KLKB1: variants seen among roughly 807,000 people sequenced by gnomAD.
KLKB1 encodes plasma kallikrein.
A neutral mutation model predicts 73.6 loss-of-function variants in KLKB1; 58 were observed. That is an observed-to-expected ratio of 0.79 (90% CI 0.64 to 0.98). The LOEUF (loss-of-function observed/expected upper bound fraction) is 0.98. KLKB1 is among the 50% of genes least tolerant of loss of function. The probability of loss-of-function intolerance (pLI) is 0.00; values close to 1 mark genes in which losing one functional copy is unlikely to be tolerated. For missense variants in KLKB1, 737 were observed against 763.8 expected (o/e 0.96, Z 0.41); for synonymous variants, 280 against 258.1 (o/e 1.08, Z -0.81).
Position 186,254,742 on chromosome 4 carries a change from C to T in KLKB1, c.1468C>T (p.Gln490Ter), listed in dbSNP as rs1282310873. The T allele has an allele frequency of 1.9e-6, 3 of 1,613,386 alleles. No individual in the cohort carries two copies. Among genetic ancestry groups the T allele is most frequent in the East Asian group, 4.5e-5 (2 of 44,884 alleles). ...GNHDIALIKL[Q>*]APLNYTEFQK... ...TCATGATATCGCCTTGATAAAACTC[C>T]AGGCTCCTTTGAATTACACTGGTAT... Residue 490 changes from glutamine to a stop codon, truncating the protein, a stop_gained, in exon 12 of 15, where the codon CAG (glutamine) becomes TAG (stop). Transcript: ENST00000264690. LOFTEE classifies it high-confidence loss of function.
intron 2 of KLKB1, among the ~76,000 whole-genome samples, chr4:186,213,862 A>T (rs986185315): frequency 3.9e-5 from 6 of 152,214 alleles, no homozygotes; most frequent in Non-Finnish European, 7.3e-5. Context: ...ACATTTAAAA[A>T]TTTTTAGTCT....
At chr4:186,246,697 A>G (rs1435458327) in intron 6 of KLKB1, among the ~76,000 whole-genome samples, 1 of 152,034 alleles carries the variant, frequency 6.6e-6, no homozygotes, top group Non-Finnish European at 1.5e-5. Flanking sequence ...GCCCAGAGAA[A>G]AGAGAGGGTA....
In KLKB1 at chr4:186,238,315, G is replaced by T. The variant is rs755413493; in HGVS notation, c.548G>T (p.Ser183Ile). ...ACACCTACCGCTATAAAGGTGCTGA[G>T]TAACGTGGAATCTGGATTCTCACTG... ...GGTPTAIKVL[S>I]NVESGFSLKP... Residue 183 changes from serine to isoleucine, a missense_variant, in exon 6 of 15, where the codon AGT becomes ATT. Ser to Ile is a moderately radical substitution (Grantham distance 142). Coordinates refer to ENST00000264690, the MANE Select transcript of KLKB1 (RefSeq NM_000892.5). The T allele has an allele frequency of 1.2e-6, 2 of 1,614,078 alleles. No homozygotes were observed. The highest frequency in any genetic ancestry group is 2.2e-5 in the South Asian group (2 of 91,090).
At chr4:186,250,127 T>A in intron 6 of KLKB1, 116 bp from the exon 7 acceptor site, 1 of 1,046,040 alleles carries the variant, frequency 9.6e-7, no homozygotes, top group Non-Finnish European at 1.5e-6. Context: ...TCACTTAGGA[T>A]GTTTAGTACT....
At chr4:186,214,423 C>G (rs1736830043) in intron 2 of KLKB1, among the ~76,000 whole-genome samples, 1 of 152,136 alleles carries the variant, frequency 6.6e-6, no homozygotes, top group Non-Finnish European at 1.5e-5. Flanking sequence ...GGAAGGGCCC[C>G]CATTCTCTGG....
At chr4:186,242,914 A>G (rs4253278) in intron 6 of KLKB1, among the ~76,000 whole-genome samples, 15,379 of 97,626 alleles carry the variant, frequency 0.16, 1,882 homozygotes, top group Middle Eastern at 0.19. Flanking sequence ...GATTTGACTA[A>G]TAAAGGCCGG....
At chr4:186,247,674 G>A (rs1190653498) in intron 6 of KLKB1, among the ~76,000 whole-genome samples, 1 of 152,184 alleles carries the variant, frequency 6.6e-6, no homozygotes, top group Non-Finnish European at 1.5e-5. Context: ...CTTGAAGGAT[G>A]TTTGAGAATC....
chr4:186,232,029 G>T, intron 2 of KLKB1, 98 bp from the exon 3 acceptor site: 1 of 909,532 alleles, frequency 1.1e-6, no homozygotes, highest in South Asian at 1.8e-5. Context: ...ACAGGTCTTT[G>T]AGTAGTCAGT....
upstream of KLKB1, among the ~76,000 whole-genome samples, chr4:186,224,633 T>G (rs1399681837): frequency 6.6e-6 from 1 of 152,176 alleles, no homozygotes; most frequent in Non-Finnish European, 1.5e-5. Flanking sequence ...CCACATTGTG[T>G]TTTGGAAGTA....
intron 6 of KLKB1, among the ~76,000 whole-genome samples, chr4:186,247,578 C>T (rs1738422906): frequency 6.6e-6 from 1 of 152,106 alleles, no homozygotes; most frequent in Non-Finnish European, 1.5e-5. Flanking sequence ...GGCCCAGAGG[C>T]CTGACATTTA....
chr4:186,217,446 A>C (rs1736932749), intron 2 of KLKB1, among the ~76,000 whole-genome samples: 1 of 152,176 alleles, frequency 6.6e-6, no homozygotes, highest in Non-Finnish European at 1.5e-5. Flanking sequence ...TATTTAAAAT[A>C]TGCTACTTCC....
At chr4:186,251,436 C>T (rs370753272) in intron 8 of KLKB1, 51 bp from the exon 9 acceptor site, 27 of 1,576,484 alleles carry the variant, frequency 1.7e-5, no homozygotes, top group African/African-American at 8.1e-5. Context: ...GTGTAAATGT[C>T]GTTCATTGCT....
At position 186,232,307 on chromosome 4, in the gene KLKB1, A is replaced by G. The variant is rs201749287; in HGVS notation, c.221+18A>G. 26 of 1,610,092 alleles carry G rather than the reference A, an allele frequency of 1.6e-5. No individual in the cohort carries two copies. In the East Asian group the frequency reaches 5.3e-4, roughly 33 times the overall value. ...GAGAAAAGGTAAAAGTTGGTATTTC[A>G]TTATTGGAGAAGCTGTTTTTCAAAA... On this transcript the variant is annotated intron_variant, in intron 3 of 14. Coordinates refer to ENST00000264690, the MANE Select transcript of KLKB1 (RefSeq NM_000892.5).
intron 11 of KLKB1, 148 bp downstream of exon 11, chr4:186,252,333 C>T (rs1267023142): frequency 1.2e-5 from 10 of 831,742 alleles, no homozygotes; most frequent in East Asian, 7.9e-5. Context: ...TTATAGGGTC[C>T]AAGCACTGAC....
Position 186,256,959 on chromosome 4 carries a change from T to C in KLKB1, c.1586-267T>C, listed in dbSNP as rs145368234. Among the ~76,000 whole-genome samples the C allele has an allele frequency of 2.0e-3, 290 of 148,452 alleles. 2 individuals carry two copies. The highest frequency in any genetic ancestry group is 6.9e-3 in the African/African-American group (277 of 40,032). On this transcript the variant is annotated intron_variant, in intron 13 of 14. Coordinates refer to ENST00000264690, the MANE Select transcript of KLKB1 (RefSeq NM_000892.5). ...TAGGCAATAAGAGGACAGTACAGGG[T>C]GCCGTCTCTCTCCCTCTTCCTCTCT...
At chr4:186,225,295 A>G (rs1009908586), upstream of KLKB1, among the ~76,000 whole-genome samples, 3 of 151,306 alleles carry the variant, frequency 2.0e-5, no homozygotes, top group Non-Finnish European at 4.4e-5. Context: ...ATATCATCCC[A>G]CTCTCTCTTG....
chr4:186,256,112 C>T (rs1402195007), intron 13 of KLKB1, 25 bp downstream of exon 13: 3 of 1,428,390 alleles, frequency 2.1e-6, no homozygotes. Context: ...TTAAATATTG[C>T]TTCTAGAGTA....
chr4:186,233,990 T>C lies in KLKB1; in HGVS notation c.260T>C (p.Leu87Pro), dbSNP rs376147935. ...TTGAAAGATAGTGTTACAGGAACCC[T>C]GCCAAAAGTACATCGAACAGGTGCA... ...CFLKDSVTGTLPKVHRTGAVS... is the reference protein window; with the variant it reads ...CFLKDSVTGTPPKVHRTGAVS... Residue 87 changes from leucine (L) to proline (P), a missense_variant, in exon 4 of 15, where the codon CTG (leucine) becomes CCG (proline). Leu to Pro is a moderately conservative substitution (Grantham distance 98). Transcript: ENST00000264690. The C allele has an allele frequency of 9.9e-6, 16 of 1,614,098 alleles. No homozygotes were observed. Among genetic ancestry groups the C allele is most frequent in the Non-Finnish European group, 1.3e-5 (15 of 1,179,958 alleles).
rs764480907 is a variant in KLKB1 at position 186,251,831 on chromosome 4, T to C, written c.1114T>C (p.Leu372=). The C allele has an allele frequency of 4.3e-6, 7 of 1,613,834 alleles. No individual in the cohort carries two copies. The highest frequency in any genetic ancestry group is 1.1e-5 in the South Asian group (1 of 91,076). ...YGTQGSSGYS[L]RLCNTGDNSV... ...GACACAAGGGAGCTCTGGTTACTCT[T>C]TGAGATTGTGTAACACTGGGGACAA... The change falls in exon 10 of 15, where the codon TTG becomes CTG. Residue 372 remains leucine, a synonymous_variant. Coordinates refer to ENST00000264690, the MANE Select transcript of KLKB1 (RefSeq NM_000892.5).
Sources: allele counts gnomAD v4.1 joint callset (sites outside exome capture counted in the v4.1 genomes callset), GRCh38; gene constraint gnomAD v4.1.1; transcripts MANE v1.5; gene names NCBI Gene and HGNC (gene_info 2026-07-23, HGNC 2026-07-21).